Variants in TRAPPC11 observed in about 807,000 individuals in gnomAD.
TRAPPC11 encodes the protein foie gras homolog.
A neutral mutation model predicts 151.2 loss-of-function variants in TRAPPC11; 104 were observed. The observed-to-expected ratio is 0.69, with a 90% CI of 0.59 to 0.81. TRAPPC11 has a LOEUF of 0.81. Among genes scored for constraint, TRAPPC11 ranks in the 30% least tolerant of loss-of-function variants. TRAPPC11 has a pLI of 0.00. For synonymous variants in TRAPPC11, 456 were observed against 472.3 expected (o/e 0.97, Z 0.45); for missense variants, 1,230 against 1,349.6 (o/e 0.91, Z 1.39).
chr4:183,674,420 C>CAAA (rs34161415), intron 5 of TRAPPC11, among the ~76,000 whole-genome samples: 13 of 39,970 alleles, frequency 3.3e-4, no homozygotes, highest in Admixed American at 1.0e-3. Context: ...GACCCTGTCT[C>CAAA]AAAAAAAAAA....
chr4:183,691,214 T>A, intron 18 of TRAPPC11, 102 bp from the exon 19 acceptor site: 1 of 903,288 alleles, frequency 1.1e-6, no homozygotes, highest in Non-Finnish European at 1.6e-6. Flanking sequence ...CCCTTCATAA[T>A]GCTTCAGTGT....
intron 25 of TRAPPC11, chr4:183,701,445 C>T (rs888452597): frequency 3.9e-5 from 14 of 362,364 alleles, no homozygotes; most frequent in Admixed American, 2.5e-4. Context: ...CATTAGTTTC[C>T]ATAGGACTTT....
At chr4:183,664,643 A>T (rs1734748287) in intron 2 of TRAPPC11, among the ~76,000 whole-genome samples, 1 of 152,170 alleles carries the variant, frequency 6.6e-6, no homozygotes, top group South Asian at 2.1e-4. Context: ...CTTAGATAAT[A>T]ATTATTATCA....
Position 183,674,722 on chromosome 4 carries a change from T to C in TRAPPC11, c.570T>C (p.Asn190=), listed in dbSNP as rs1735325946. 4 of 1,540,546 alleles carry C rather than the reference T, an allele frequency of 2.6e-6. No homozygotes were observed. Among genetic ancestry groups the C allele is most frequent in the Admixed American group, 2.1e-5 (1 of 46,748 alleles). The change falls in exon 6 of 30, where the codon AAT becomes AAC. Residue 190 remains asparagine, a synonymous_variant. Coordinates refer to ENST00000334690, the MANE Select transcript of TRAPPC11 (RefSeq NM_021942.6). ...TTTTTGTTTTTTACAGATTGGAAAATGCCTTTTATGAACATGCACAGACTT... is the reference window on the plus strand; with the variant it reads ...TTTTTGTTTTTTACAGATTGGAAAACGCCTTTTATGAACATGCACAGACTT... ...HLVGYIIRLE[N]AFYEHAQTYY...
intron 18 of TRAPPC11, among the ~76,000 whole-genome samples, chr4:183,688,866 C>G (rs1205198542): frequency 6.6e-6 from 1 of 152,114 alleles, no homozygotes; most frequent in Non-Finnish European, 1.5e-5. Flanking sequence ...CCACCTCAGC[C>G]TCCTCTGAGT....
intron 26 of TRAPPC11, among the ~76,000 whole-genome samples, chr4:183,703,345 T>C (rs1486087879): frequency 6.6e-6 from 1 of 152,234 alleles, no homozygotes; most frequent in African/African-American, 2.4e-5. Context: ...TGGAGAAATA[T>C]GTAATTTTAC....
intron 5 of TRAPPC11, among the ~76,000 whole-genome samples, chr4:183,672,892 G>A (rs1735222026): frequency 6.6e-6 from 1 of 151,262 alleles, no homozygotes. Flanking sequence ...AGAATAGTCT[G>A]TAGACATATT....
At chr4:183,711,317 G>A (rs566319996) in intron 29 of TRAPPC11, among the ~76,000 whole-genome samples, 2 of 152,286 alleles carry the variant, frequency 1.3e-5, no homozygotes, top group East Asian at 3.9e-4. Context: ...CACATTTCAA[G>A]TGCTCAATCG....
chr4:183,685,980 G>C (rs1314790818), intron 17 of TRAPPC11, among the ~76,000 whole-genome samples: 1 of 152,066 alleles, frequency 6.6e-6, no homozygotes, highest in Non-Finnish European at 1.5e-5. Flanking sequence ...ATTACTTATG[G>C]GCGTGTACTA....
chr4:183,661,084 C>G (rs922905799), intron 1 of TRAPPC11, among the ~76,000 whole-genome samples: 1 of 152,054 alleles, frequency 6.6e-6, no homozygotes, highest in African/African-American at 2.4e-5. Context: ...ACATGCAATC[C>G]TTTGCCCTCA....
intron 29 of TRAPPC11, among the ~76,000 whole-genome samples, chr4:183,712,292 G>A (rs182982920): frequency 6.6e-6 from 1 of 152,298 alleles, no homozygotes; most frequent in East Asian, 1.9e-4. Context: ...CTGCTGGAAC[G>A]CAGGGTTGAG....
rs1181649568 is a variant in TRAPPC11, at chr4:183,660,717, T to TTTG, written c.-22+1283_-22+1285dup. 1.5e-4 allele frequency among the ~76,000 whole-genome samples: 23 copies of TTTG among 152,286 alleles called. No individual in the cohort carries two copies. The East Asian group carries it at 2.3e-3, about 15-fold the overall frequency. On this transcript the variant is annotated intron_variant, in intron 1 of 29. Coordinates refer to ENST00000334690, the MANE Select transcript of TRAPPC11 (RefSeq NM_021942.6). ...CGTATTGTATTTTGGTCACTTGTTT[T>TTTG]TTGTTGTTGTTGTTGAGACGGAGTC... is the stretch of plus-strand genomic sequence containing the variant.
intron 8 of TRAPPC11, 58 bp from the exon 9 acceptor site, chr4:183,679,295 A>G: frequency 2.1e-6 from 3 of 1,440,328 alleles, no homozygotes; most frequent in Non-Finnish European, 2.8e-6. Context: ...TTTTAAATGA[A>G]TATGTCTTTT....
chr4:183,685,085 T>C lies in TRAPPC11; in HGVS notation c.1569T>C (p.Ala523=). ...TTTTTCCTTCTTTCTTCATACTAGC[T>C]TCAACTCTGAAAGATGACCAGAAGT... ...ITYSLELLGR[A]STLKDDQKSR... Residue 523 remains alanine (A), a splice_region_variant and synonymous_variant, in exon 16 of 30, where the codon GCT becomes GCC. Transcript: ENST00000334690. The C allele has an allele frequency of 6.2e-7, 1 of 1,613,614 alleles. No individual in the cohort carries two copies. The highest frequency in any genetic ancestry group is 1.1e-5 in the South Asian group (1 of 90,998).
intron 18 of TRAPPC11, among the ~76,000 whole-genome samples, chr4:183,689,574 GT>G (rs1253671146): frequency 1.3e-5 from 2 of 149,266 alleles, no homozygotes; most frequent in African/African-American, 2.5e-5. Flanking sequence ...AAGGGCAGGG[GT>G]TTTTTTTGTT....
chr4:183,679,228 A>G (rs1735554860), intron 8 of TRAPPC11, 125 bp from the exon 9 acceptor site: 5 of 930,416 alleles, frequency 5.4e-6, no homozygotes, highest in Non-Finnish European at 7.5e-6. Flanking sequence ...TTGTATTGCA[A>G]AGAGCTTCAG....
intron 23 of TRAPPC11, among the ~76,000 whole-genome samples, chr4:183,697,192 T>C (rs943841867): frequency 5.3e-5 from 8 of 152,002 alleles, no homozygotes; most frequent in African/African-American, 1.7e-4. Context: ...GGCGTGGTAG[T>C]GTGCTCCTGT....
intron 5 of TRAPPC11, among the ~76,000 whole-genome samples, chr4:183,669,841 C>A (rs182732244): frequency 1.3e-5 from 2 of 152,168 alleles, no homozygotes; most frequent in Admixed American, 1.3e-4. Context: ...CAAATTTAGG[C>A]GGTCATGGAT....
chr4:183,691,421 CTG>C lies in TRAPPC11; in HGVS notation c.2001_2002del (p.Leu668IlefsTer2). The C allele has an allele frequency of 6.5e-7, 1 of 1,535,456 alleles. No individual in the cohort carries two copies. Among genetic ancestry groups the C allele is most frequent in the Non-Finnish European group, 8.8e-7 (1 of 1,131,362 alleles). Reference sequence around the variant, plus strand: ...CCTAGTTCCTGGCAAAACAAGAAAACTGTTATTTAAGTTTGTTGCAAAAACTG... The same window carrying C: ...CCTAGTTCCTGGCAAAACAAGAAAACTTATTTAAGTTTGTTGCAAAAACTG... ...MCLVPGKTRK[L>X]LFKFVAKTED... On this transcript the variant is annotated frameshift_variant, in exon 19 of 30. Transcript: ENST00000334690. LOFTEE classifies it high-confidence loss of function.
Sources: gnomAD v4.1 joint callset for allele counts (sites outside exome capture counted in the v4.1 genomes callset) on GRCh38, gnomAD v4.1.1 for gene constraint, MANE v1.5 for transcripts, NCBI Gene and HGNC (gene_info 2026-07-23, HGNC 2026-07-21) for gene names.